The following ZSWIM6 variants were observed in gnomAD, a reference collection of about 807,000 sequenced individuals.
ZSWIM6 encodes the protein zinc finger SWIM domain-containing protein 6.
A neutral mutation model predicts 113.2 loss-of-function variants in ZSWIM6; 9 were observed. That is an observed-to-expected ratio of 0.08 (90% CI 0.05 to 0.14). The LOEUF (loss-of-function observed/expected upper bound fraction) is 0.14. ZSWIM6 is among the 10% of genes least tolerant of loss of function. ZSWIM6 has a pLI of 1.00. For missense variants in ZSWIM6, 1,162 were observed against 1,552.2 expected, an observed-to-expected ratio of 0.75 and a Z score of 4.22; for synonymous variants, 611 against 606.5, an observed-to-expected ratio of 1.01 and a Z score of -0.11.
chr5:61,342,812 G>A (rs1347379579), intron 1 of ZSWIM6, among the ~76,000 whole-genome samples: 1 of 152,074 alleles, frequency 6.6e-6, no homozygotes, highest in Non-Finnish European at 1.5e-5. Flanking sequence ...ATTTTTGTGT[G>A]TGTGGTTCAG....
chr5:61,423,437 C>T (rs926517718), intron 1 of ZSWIM6, among the ~76,000 whole-genome samples: 9 of 149,446 alleles, frequency 6.0e-5, no homozygotes, highest in South Asian at 4.3e-4. Context: ...AAAAACAAAA[C>T]GGCAACAACA....
intron 1 of ZSWIM6, among the ~76,000 whole-genome samples, chr5:61,394,745 AG>A (rs1169322203): frequency 6.6e-6 from 1 of 152,178 alleles, no homozygotes; most frequent in East Asian, 1.9e-4. Flanking sequence ...TGGCCAGAGG[AG>A]GGGGTATGGA....
At chr5:61,387,422 G>A (rs1050218268) in intron 1 of ZSWIM6, among the ~76,000 whole-genome samples, 1 of 152,228 alleles carries the variant, frequency 6.6e-6, no homozygotes, top group Non-Finnish European at 1.5e-5. Context: ...TCAGCACTGT[G>A]GGAGGCTGAG....
At position 61,350,942 on chromosome 5, in the gene ZSWIM6, C is replaced by T. The variant is rs976985656; in HGVS notation, c.676+17994C>T. ...TTGTTACACATCACTCCAGTTTTACCTAATTTCCTTCATTTATTCTTCTAG... is the reference window on the plus strand; with the variant it reads ...TTGTTACACATCACTCCAGTTTTACTTAATTTCCTTCATTTATTCTTCTAG... On this transcript the variant is annotated intron_variant, in intron 1 of 13. Transcript: ENST00000252744. Among the ~76,000 whole-genome samples the T allele has an allele frequency of 1.4e-4, 22 of 152,284 alleles. No homozygotes were observed. In the Middle Eastern group the frequency reaches 0.01, roughly 71 times the overall value.
chr5:61,539,067 T>C (rs1580072913), intron 11 of ZSWIM6, 96 bp downstream of exon 11: 4 of 1,316,752 alleles, frequency 3.0e-6, no homozygotes, highest in Non-Finnish European at 4.0e-6. Flanking sequence ...GCAGTGGTGT[T>C]AATGTCAGAT....
intron 1 of ZSWIM6, among the ~76,000 whole-genome samples, chr5:61,395,216 T>C (rs1006987840): frequency 2.0e-5 from 3 of 152,132 alleles, no homozygotes; most frequent in African/African-American, 7.2e-5. Flanking sequence ...TTCAGTCAGA[T>C]TGTGTAACTT....
At chr5:61,432,278 C>T (rs919935980) in intron 1 of ZSWIM6, among the ~76,000 whole-genome samples, 2 of 152,194 alleles carry the variant, frequency 1.3e-5, no homozygotes, top group Non-Finnish European at 2.9e-5. Flanking sequence ...TAAATGGAAT[C>T]CTGACCACCT....
chr5:61,458,523 C>A (rs1215747532), intron 1 of ZSWIM6, among the ~76,000 whole-genome samples: 5 of 152,162 alleles, frequency 3.3e-5, no homozygotes, highest in African/African-American at 1.2e-4. Context: ...CCCTCCCAAC[C>A]TTCTGAAAAA....
At chr5:61,489,200 A>G (rs1002888411) in intron 2 of ZSWIM6, among the ~76,000 whole-genome samples, 11 of 151,486 alleles carry the variant, frequency 7.3e-5, no homozygotes, top group African/African-American at 2.4e-4. Flanking sequence ...CCTGACCTTT[A>G]CTTCATTTTT....
At chr5:61,404,973 T>A (rs1297024164) in intron 1 of ZSWIM6, among the ~76,000 whole-genome samples, 2 of 152,094 alleles carry the variant, frequency 1.3e-5, no homozygotes, top group Non-Finnish European at 2.9e-5. Flanking sequence ...GAGGTCAGGG[T>A]CCTAAGTTAT....
chr5:61,475,515 G>A lies in ZSWIM6; in HGVS notation c.1033+2478G>A, dbSNP rs550019557. ...TGTAGGTTACCTTTAGACTCAATAT[G>A]ATTTCCTAATAACTTGTGTATAGGA... On this transcript the variant is annotated intron_variant, in intron 2 of 13. Coordinates refer to ENST00000252744, the MANE Select transcript of ZSWIM6 (RefSeq NM_020928.2). 4.6e-5 allele frequency among the ~76,000 whole-genome samples: 7 copies of A among 152,244 alleles called. No homozygotes were observed. The South Asian group carries it at 6.2e-4, about 14-fold the overall frequency.
In ZSWIM6 at chr5:61,518,238, G is replaced by A. The variant is rs369708077; in HGVS notation, c.1334-3025G>A. On this transcript the variant is annotated intron_variant, in intron 4 of 13. Transcript: ENST00000252744. ...AGTCTTTGCTATTGTGAATAATGCC[G>A]CAATAAACATACGTGTGCATGTGTC... Among the ~76,000 whole-genome samples the A allele has an allele frequency of 1.6e-4, 24 of 151,860 alleles. No individual in the cohort carries two copies. In the South Asian group the frequency reaches 1.7e-3, roughly 11 times the overall value.
chr5:61,479,150 G>A (rs943901987), intron 2 of ZSWIM6, among the ~76,000 whole-genome samples: 2 of 150,386 alleles, frequency 1.3e-5, no homozygotes, highest in African/African-American at 4.9e-5. Flanking sequence ...CAGCCTGGGT[G>A]ACAGAGCAGG....
chr5:61,355,586 T>C (rs1199735758), intron 1 of ZSWIM6, among the ~76,000 whole-genome samples: 1 of 152,088 alleles, frequency 6.6e-6, no homozygotes, highest in African/African-American at 2.4e-5. Flanking sequence ...TTTTAAAAAA[T>C]ATAATTTACA....
intron 1 of ZSWIM6, among the ~76,000 whole-genome samples, chr5:61,360,756 A>G (rs372689225): frequency 9.9e-5 from 15 of 152,142 alleles, no homozygotes; most frequent in African/African-American, 3.6e-4. Context: ...AGCCAATACA[A>G]TGGGTTATTT....
At chr5:61,449,706 A>G (rs1443272672) in intron 1 of ZSWIM6, among the ~76,000 whole-genome samples, 1 of 152,182 alleles carries the variant, frequency 6.6e-6, no homozygotes, top group Non-Finnish European at 1.5e-5. Context: ...ACTGGGGTTG[A>G]CAGTATACTG....
rs1474531597 is a variant in ZSWIM6 at position 61,531,460 on chromosome 5, T to C, written c.1985-5T>C. Reference sequence around the variant, plus strand: ...AGCTCTGATTTCTTTTGTGGCATTTTGCAGAGAATATGGGACAGTGCAAGT... The same window carrying C: ...AGCTCTGATTTCTTTTGTGGCATTTCGCAGAGAATATGGGACAGTGCAAGT... On this transcript the variant is annotated splice_polypyrimidine_tract_variant and splice_region_variant and intron_variant, in intron 8 of 13. Coordinates refer to ENST00000252744, the MANE Select transcript of ZSWIM6 (RefSeq NM_020928.2). 2 of 1,532,664 alleles carry C rather than the reference T, an allele frequency of 1.3e-6. No individual in the cohort carries two copies. Among genetic ancestry groups the C allele is most frequent in the Admixed American group, 4.0e-5 (2 of 50,186 alleles). 94.9% of individuals were successfully genotyped at this position (1,532,664 alleles called of 1,614,324 possible).
chr5:61,423,304 A>G (rs1746392125), intron 1 of ZSWIM6, among the ~76,000 whole-genome samples: 1 of 151,956 alleles, frequency 6.6e-6, no homozygotes, highest in African/African-American at 2.4e-5. Context: ...GCTACTCGGT[A>G]GGCTGAGGCA....
intron 2 of ZSWIM6, among the ~76,000 whole-genome samples, chr5:61,482,628 A>G (rs562960508): frequency 1.3e-5 from 2 of 152,328 alleles, no homozygotes; most frequent in South Asian, 2.1e-4. Context: ...GTTGAGTTGT[A>G]TATAGAGTGA....
Sources: gnomAD v4.1 joint callset for allele counts (sites outside exome capture counted in the v4.1 genomes callset) on GRCh38, gnomAD v4.1.1 for gene constraint, MANE v1.5 for transcripts, NCBI Gene and HGNC (gene_info 2026-07-23, HGNC 2026-07-21) for gene names.